The following PKD1 variants were observed in gnomAD, a reference collection of about 807,000 sequenced individuals.
PKD1 encodes the protein polycystin-1.
PKD1 carries 81 observed loss-of-function variants against 361.7 expected under a neutral mutation model. The observed-to-expected ratio is 0.22, with a 90% CI of 0.19 to 0.27. The LOEUF is 0.27. PKD1 is among the 10% of genes least tolerant of loss of function. The pLI is 1.00. For synonymous variants in PKD1, 3,615 were observed against 2,818.3 expected (o/e 1.28, Z -8.95); for missense variants, 6,399 against 6,118.3 (o/e 1.05, Z -1.53).
intron 1 of PKD1, among the ~76,000 whole-genome samples, chr16:2,133,636 C>G (rs1373278899): frequency 6.6e-6 from 1 of 152,174 alleles, no homozygotes; most frequent in Admixed American, 6.5e-5. Flanking sequence ...TCACATCCTT[C>G]CTAAGGCCCT....
chr16:2,115,754 G>A (rs1041128663), intron 9 of PKD1, 129 bp from the exon 10 acceptor site: 4 of 1,033,860 alleles, frequency 3.9e-6, no homozygotes, highest in Middle Eastern at 3.1e-4. Context: ...AGCACTCCCA[G>A]CCCAGTGCTG....
Position 2,091,581 on chromosome 16 carries a change from G to T in PKD1, c.11554C>A (p.Leu3852Met). ...WLDNRSRAVF[L>M]ELTRYSPAVG... ...GCCGGGCTGTAGCGCGTGAGCTCCAGGAACACAGCGCGGCTCCTGCGCAGA... is the reference window on the plus strand; with the variant it reads ...GCCGGGCTGTAGCGCGTGAGCTCCATGAACACAGCGCGGCTCCTGCGCAGA... The change falls in exon 42 of 46, where the codon CTG (leucine) becomes ATG (methionine). Residue 3852 changes from leucine to methionine, a missense_variant. Physicochemically the swap from Leu to Met is conservative, Grantham distance 15. Coordinates refer to ENST00000262304, the MANE Select transcript of PKD1 (RefSeq NM_001009944.3). The T allele has an allele frequency of 1.3e-6, 2 of 1,554,186 alleles. No homozygotes were observed. The highest frequency in any genetic ancestry group is 1.7e-6 in the Non-Finnish European group (2 of 1,159,280).
intron 1 of PKD1, among the ~76,000 whole-genome samples, chr16:2,124,247 G>C (rs1209857402): frequency 1.3e-5 from 2 of 152,238 alleles, no homozygotes. Flanking sequence ...GCCCGAGGTA[G>C]CTGACACGTG....
chr16:2,124,361 C>G (rs2092766739), intron 1 of PKD1, among the ~76,000 whole-genome samples: 1 of 152,248 alleles, frequency 6.6e-6, no homozygotes, highest in African/African-American at 2.4e-5. Flanking sequence ...CAGCCAGGCG[C>G]TGGCTCTCCT....
In PKD1 at chr16:2,113,183, C is replaced by G. The variant is rs1187274253; in HGVS notation, c.2963G>C (p.Ser988Thr). The change falls in exon 12 of 46, where the codon AGC becomes ACC. Residue 988 changes from serine to threonine, a missense_variant. Transcript: ENST00000262304. Reference sequence around the variant, plus strand: ...TACTGAGAGCTTGAAGACCGCCGCGCTCTGATAAATGACATTGAAGACCAC... The same window carrying G: ...TACTGAGAGCTTGAAGACCGCCGCGGTCTGATAAATGACATTGAAGACCAC... Reference protein sequence around the residue: ...QNVVFNVIYQSAAVFKLSLTA... With the variant: ...QNVVFNVIYQTAAVFKLSLTA... 8.6e-7 allele frequency: 1 copy of G among 1,157,196 alleles called. No individual in the cohort carries two copies. 71.7% of individuals were successfully genotyped at this position (1,157,196 alleles called of 1,614,324 possible). A position where few individuals can be genotyped will look rare whatever the true frequency, so the allele number is the denominator to read the frequency against.
chr16:2,097,705 C>G, intron 32 of PKD1, 23 bp downstream of exon 32: 1 of 1,610,908 alleles, frequency 6.2e-7, no homozygotes. Flanking sequence ...CACCAGGGCT[C>G]GAGGTTTCTC....
In PKD1 at chr16:2,091,918, G is replaced by A. The variant is rs769902705; in HGVS notation, c.11412-12C>T. The A allele has an allele frequency of 9.9e-6, 16 of 1,611,422 alleles. No homozygotes were observed. The East Asian group carries it at 1.1e-4, about 11-fold the overall frequency. On this transcript the variant is annotated splice_polypyrimidine_tract_variant and intron_variant, in intron 40 of 45. Transcript: ENST00000262304. ...CCCAGGACCATGCCCTGCCGGAGAG[G>A]GGTGGCGTGGGTGCCGCACCCCAGC...
In PKD1 at chr16:2,114,202, G is replaced by A. The variant is rs1347345602; in HGVS notation, c.2821C>T (p.Pro941Ser). ...PICGLRATPS[P>S]EARVLQGVLV... is the part of the protein sequence containing the mutation. ...ACTCCCTGCAGTACACGGGCCTCGG[G>A]GCTGGGCGTGGCGCGGAGGCCACAG... is the stretch of plus-strand genomic sequence containing the variant. The change falls in exon 11 of 46, where the codon CCC (proline) becomes TCC (serine). Residue 941 changes from proline to serine, a missense_variant. By Grantham distance (74) the Pro-to-Ser change is moderately conservative. Transcript: ENST00000262304. 5 of 1,609,104 alleles carry A rather than the reference G, an allele frequency of 3.1e-6. No homozygotes were observed. In the Admixed American group the frequency reaches 8.3e-5, roughly 27 times the overall value.
intron 1 of PKD1, among the ~76,000 whole-genome samples, chr16:2,131,380 G>A (rs978001300): frequency 3.3e-5 from 5 of 151,970 alleles, no homozygotes; most frequent in South Asian, 2.1e-4. Context: ...GCATGGTGGC[G>A]GGCACCAGTC....
At chr16:2,123,172 G>A (rs905383386) in intron 1 of PKD1, among the ~76,000 whole-genome samples, 3 of 152,158 alleles carry the variant, frequency 2.0e-5, no homozygotes, top group East Asian at 1.9e-4. Context: ...CACTCCCTGC[G>A]TGCCAGGCTC....
chr16:2,107,118 T>C (rs1397744928), intron 16 of PKD1, 170 bp from the exon 17 acceptor site: 1 of 699,004 alleles, frequency 1.4e-6, no homozygotes, highest in Non-Finnish European at 2.6e-6. Context: ...CCTTCCAACT[T>C]GGACGGCGGA....
At chr16:2,124,744 C>T (rs116407256) in intron 1 of PKD1, among the ~76,000 whole-genome samples, 4,601 of 152,298 alleles carry the variant, frequency 0.03, 246 homozygotes, top group African/African-American at 0.1. Flanking sequence ...AGCGGGTGTG[C>T]GCCAGGCCCG....
At chr16:2,108,123 C>T in intron 15 of PKD1, 91 bp from the exon 16 acceptor site, 1 of 1,503,832 alleles carries the variant, frequency 6.6e-7, no homozygotes, top group East Asian at 2.3e-5. Context: ...GGGAGACCCC[C>T]TCCCCATGCT....
At position 2,102,635 on chromosome 16, in the gene PKD1, T is replaced by G. The variant is rs748467689; in HGVS notation, c.8949-2A>C. 4.3e-6 allele frequency: 7 copies of G among 1,610,952 alleles called. No homozygotes were observed. In the South Asian group the frequency reaches 7.7e-5, roughly 18 times the overall value. ...TAACTCCCCGCTGGGTCTCTGCTCCTGGGCAGGGAAGGGGTAGCGGACGTG... is the reference window on the plus strand; with the variant it reads ...TAACTCCCCGCTGGGTCTCTGCTCCGGGGCAGGGAAGGGGTAGCGGACGTG... On this transcript the variant is annotated splice_acceptor_variant, in intron 24 of 45. Transcript: ENST00000262304. LOFTEE classifies it high-confidence loss of function.
chr16:2,127,130 G>A (rs540362372), intron 1 of PKD1, among the ~76,000 whole-genome samples: 50 of 152,188 alleles, frequency 3.3e-4, no homozygotes, highest in Non-Finnish European at 4.7e-4. Context: ...AAGACTCTCG[G>A]TGCCCACCAG....
intron 26 of PKD1, among the ~76,000 whole-genome samples, chr16:2,101,388 C>T (rs2092090427): frequency 6.6e-6 from 1 of 152,152 alleles, no homozygotes; most frequent in Non-Finnish European, 1.5e-5. Context: ...TGGCTCACAC[C>T]TGTCATCCCA....
intron 25 of PKD1, 33 bp from the exon 26 acceptor site, chr16:2,102,289 C>G (rs1489675498): frequency 4.1e-6 from 6 of 1,467,790 alleles, no homozygotes; most frequent in Non-Finnish European, 4.7e-6. Flanking sequence ...CCCAGGAGGT[C>G]ACGTGCAAGC....
chr16:2,112,602 C>A, intron 13 of PKD1, 129 bp from the exon 14 acceptor site: 1 of 993,468 alleles, frequency 1.0e-6, no homozygotes, highest in Non-Finnish European at 1.5e-6. Context: ...AGGGCCCACC[C>A]GGCTGTGCTG....
intron 34 of PKD1, chr16:2,094,857 G>A (rs1442959460): frequency 1.3e-5 from 2 of 153,508 alleles, no homozygotes; most frequent in Admixed American, 6.5e-5. Flanking sequence ...GCGAGACGCC[G>A]AGTCCCGGGC....
Sources: allele counts gnomAD v4.1 joint callset (sites outside exome capture counted in the v4.1 genomes callset), GRCh38; gene constraint gnomAD v4.1.1; transcripts MANE v1.5; gene names NCBI Gene and HGNC (gene_info 2026-07-23, HGNC 2026-07-21).